The following MAGI2 variants were observed in gnomAD, a reference collection of about 807,000 sequenced individuals.
MAGI2 encodes membrane-associated guanylate kinase, WW and PDZ domain-containing protein 2.
A neutral mutation model predicts 133.3 loss-of-function variants in MAGI2; 35 were observed. The ratio of observed to expected loss-of-function variants is 0.26; its 90% CI spans 0.20 to 0.35. The LOEUF (loss-of-function observed/expected upper bound fraction) is 0.35, where lower values mean the gene tolerates loss of function less well. Ranked by LOEUF, MAGI2 falls within the 10% of genes least tolerant of loss-of-function variation. The probability of loss-of-function intolerance (pLI) is 1.00; values close to 1 mark genes in which losing one functional copy is unlikely to be tolerated. For synonymous variants in MAGI2, 729 were observed against 710.6 expected (o/e 1.03, Z -0.41); for missense variants, 1,636 against 1,863.4 (o/e 0.88, Z 2.25).
At chr7:78,649,791 G>A (rs1811349105) in intron 2 of MAGI2, among the ~76,000 whole-genome samples, 1 of 152,034 alleles carries the variant, frequency 6.6e-6, no homozygotes, top group Admixed American at 6.6e-5. Flanking sequence ...TTCTGGGTTA[G>A]GTAAGTTATT....
chr7:79,193,752 GC>G (rs1461319207), intron 1 of MAGI2, among the ~76,000 whole-genome samples: 1 of 151,608 alleles, frequency 6.6e-6, no homozygotes. Context: ...TTGTACAAGG[GC>G]CCTACATTTT....
intron 2 of MAGI2, among the ~76,000 whole-genome samples, chr7:79,000,728 T>C (rs1806772753): frequency 6.6e-6 from 1 of 152,222 alleles, no homozygotes; most frequent in Non-Finnish European, 1.5e-5. Context: ...GTTAAAGATA[T>C]ATTAGAAACT....
At chr7:78,133,883 C>G (rs1366339501) in intron 17 of MAGI2, among the ~76,000 whole-genome samples, 2 of 152,118 alleles carry the variant, frequency 1.3e-5, no homozygotes, top group African/African-American at 4.8e-5. Context: ...GGGAGGTGAT[C>G]TATTAGCATT....
At chr7:78,656,528 C>A (rs1192812931) in intron 2 of MAGI2, among the ~76,000 whole-genome samples, 1 of 151,920 alleles carries the variant, frequency 6.6e-6, no homozygotes, top group South Asian at 2.1e-4. Context: ...CTACCAGGGG[C>A]AGGGTACTGG....
At chr7:78,462,169 T>C (rs1432655481) in intron 6 of MAGI2, among the ~76,000 whole-genome samples, 1 of 152,138 alleles carries the variant, frequency 6.6e-6, no homozygotes, top group Non-Finnish European at 1.5e-5. Context: ...GCCTACACAA[T>C]TTACATTGAT....
At chr7:78,655,454 C>CAAAAAAAAAAAAAAAAAAAAAAAACACCA in intron 2 of MAGI2, among the ~76,000 whole-genome samples, 1 of 64,952 alleles carries the variant, frequency 1.5e-5, no homozygotes, top group Non-Finnish European at 2.8e-5. Context: ...AAAAAACAAC[C>CAAAAAAAAAAAAAAAAAAAAAAAACACCA]AAAAAAAAAA....
At chr7:78,508,896 T>A (rs1167982730) in intron 4 of MAGI2, among the ~76,000 whole-genome samples, 1 of 151,942 alleles carries the variant, frequency 6.6e-6, no homozygotes, top group Non-Finnish European at 1.5e-5. Context: ...GTCTTTTTTT[T>A]TTTTTTTGAG....
chr7:78,493,953 A>G (rs1158748780), intron 5 of MAGI2, among the ~76,000 whole-genome samples: 1 of 152,054 alleles, frequency 6.6e-6, no homozygotes, highest in African/African-American at 2.4e-5. Flanking sequence ...TCTGTATTTG[A>G]ATCACTTTCT....
intron 2 of MAGI2, among the ~76,000 whole-genome samples, chr7:78,886,327 G>C (rs1190911317): frequency 6.6e-6 from 1 of 152,198 alleles, no homozygotes; most frequent in African/African-American, 2.4e-5. Flanking sequence ...TTTAACCTGG[G>C]CTGCATTAAT....
intron 20 of MAGI2, among the ~76,000 whole-genome samples, chr7:78,081,361 T>C (rs537718033): frequency 6.6e-6 from 1 of 152,334 alleles, no homozygotes; most frequent in East Asian, 1.9e-4. Flanking sequence ...CATTTCTATG[T>C]ACAGTAAGTT....
intron 4 of MAGI2, among the ~76,000 whole-genome samples, chr7:78,517,172 G>A (rs73139239): frequency 0.057 from 7,713 of 135,032 alleles, 344 homozygotes; most frequent in African/African-American, 0.12. Context: ...TATAGGTGAT[G>A]TTAATGTTAA....
At chr7:78,946,427 G>A (rs1360376698) in intron 2 of MAGI2, among the ~76,000 whole-genome samples, 1 of 152,100 alleles carries the variant, frequency 6.6e-6, no homozygotes, top group African/African-American at 2.4e-5. Flanking sequence ...AAGAAGAAAT[G>A]AATAATTGCA....
At chr7:78,729,187 C>T (rs1821126681) in intron 2 of MAGI2, among the ~76,000 whole-genome samples, 2 of 151,916 alleles carry the variant, frequency 1.3e-5, no homozygotes, top group Non-Finnish European at 2.9e-5. Context: ...GGTTTAGTGC[C>T]AATATCCAAA....
At chr7:78,132,306 C>T (rs1040669199) in intron 18 of MAGI2, among the ~76,000 whole-genome samples, 1 of 152,232 alleles carries the variant, frequency 6.6e-6, no homozygotes, top group African/African-American at 2.4e-5. Flanking sequence ...CCTGCATTCA[C>T]CCTGCCAGCC....
intron 10 of MAGI2, among the ~76,000 whole-genome samples, chr7:78,225,475 G>T (rs374844599): frequency 6.6e-6 from 1 of 151,930 alleles, no homozygotes; most frequent in African/African-American, 2.4e-5. Context: ...TCAGCCTCCC[G>T]AGTAGCCAGG....
intron 5 of MAGI2, among the ~76,000 whole-genome samples, chr7:78,496,008 T>G (rs1368020958): frequency 6.6e-6 from 1 of 152,186 alleles, no homozygotes; most frequent in Admixed American, 6.6e-5. Context: ...ATATTTCTGG[T>G]GTTGCTGCAT....
intron 21 of MAGI2, among the ~76,000 whole-genome samples, chr7:78,057,874 G>T (rs1249496153): frequency 6.7e-6 from 1 of 150,304 alleles, no homozygotes; most frequent in Non-Finnish European, 1.5e-5. Flanking sequence ...GTATGCCCAG[G>T]GGTAACAAGC....
At chr7:79,368,345 G>A (rs1842853571) in intron 1 of MAGI2, among the ~76,000 whole-genome samples, 2 of 152,008 alleles carry the variant, frequency 1.3e-5, no homozygotes, top group South Asian at 4.1e-4. Context: ...TTAGCCCTCA[G>A]AAAAACCCCA....
intron 2 of MAGI2, among the ~76,000 whole-genome samples, chr7:78,663,390 A>G: frequency 6.6e-6 from 1 of 151,838 alleles, no homozygotes; most frequent in African/African-American, 2.4e-5. Flanking sequence ...TATTTTTAGT[A>G]CAGATGGGGT....
Sources: gnomAD v4.1 joint callset for allele counts (sites outside exome capture counted in the v4.1 genomes callset) on GRCh38, gnomAD v4.1.1 for gene constraint, MANE v1.5 for transcripts, NCBI Gene and HGNC (gene_info 2026-07-23, HGNC 2026-07-21) for gene names.